Variants in GADL1 observed in about 807,000 individuals in gnomAD.
GADL1 encodes acidic amino acid decarboxylase GADL1.
GADL1 carries 71 observed loss-of-function variants against 69.5 expected under a neutral mutation model. The observed-to-expected ratio is 1.02, with a 90% CI of 0.84 to 1.25. The LOEUF (loss-of-function observed/expected upper bound fraction) is 1.25. GADL1 is among the 50% of genes most tolerant of loss of function. GADL1 has a pLI of 0.00. For synonymous variants in GADL1, 254 were observed against 214.4 expected, an observed-to-expected ratio of 1.18 and a Z score of -1.62; for missense variants, 737 against 631.8, an observed-to-expected ratio of 1.17 and a Z score of -1.79.
chr3:30,809,309 C>T (rs1025139733), intron 11 of GADL1, among the ~76,000 whole-genome samples: 12 of 151,992 alleles, frequency 7.9e-5, no homozygotes, highest in South Asian at 2.1e-4. Context: ...TAAAATCATC[C>T]GGTTTGCATA....
chr3:30,829,770 G>C (rs562690350), intron 11 of GADL1, among the ~76,000 whole-genome samples: 8 of 151,960 alleles, frequency 5.3e-5, no homozygotes, highest in African/African-American at 1.9e-4. Flanking sequence ...GCTAGGCACT[G>C]ACAACACAGT....
intron 1 of GADL1, 37 bp downstream of exon 1, chr3:30,894,541 G>A: frequency 2.6e-6 from 4 of 1,533,112 alleles, no homozygotes; most frequent in Non-Finnish European, 1.8e-6. Flanking sequence ...GACAGGGGAG[G>A]TTAAGGACAA....
chr3:30,894,087 C>T (rs1698820331), intron 1 of GADL1, among the ~76,000 whole-genome samples: 1 of 152,198 alleles, frequency 6.6e-6, no homozygotes, highest in African/African-American at 2.4e-5. Flanking sequence ...CTAAGGTCCC[C>T]GTTCTCAATC....
intron 14 of GADL1, among the ~76,000 whole-genome samples, chr3:30,753,773 G>T (rs1047826601): frequency 6.6e-6 from 1 of 152,130 alleles, no homozygotes; most frequent in Non-Finnish European, 1.5e-5. Context: ...ACAAATACAT[G>T]TGTTCCTATG....
At chr3:30,753,433 T>C (rs1450152920) in intron 14 of GADL1, among the ~76,000 whole-genome samples, 4 of 151,572 alleles carry the variant, frequency 2.6e-5, no homozygotes, top group Admixed American at 2.6e-4. Context: ...TTTTCCTTAG[T>C]TTATTTTTTA....
chr3:30,759,905 G>A (rs554590009), intron 14 of GADL1, among the ~76,000 whole-genome samples: 7 of 152,106 alleles, frequency 4.6e-5, no homozygotes, highest in Non-Finnish European at 1.0e-4. Flanking sequence ...GTGGACTTGT[G>A]CTCTATGCCT....
intron 14 of GADL1, among the ~76,000 whole-genome samples, chr3:30,768,481 C>G (rs545886392): frequency 7.0e-6 from 1 of 142,462 alleles, no homozygotes; most frequent in African/African-American, 2.6e-5. Flanking sequence ...AAGCCTTGGA[C>G]ATATTTATCA....
chr3:30,864,421 C>G (rs1465067746), intron 1 of GADL1, among the ~76,000 whole-genome samples: 1 of 151,480 alleles, frequency 6.6e-6, no homozygotes, highest in Non-Finnish European at 1.5e-5. Context: ...ATGTCAACAC[C>G]CACTCGTAAC....
chr3:30,784,845 G>A (rs1356669366), intron 13 of GADL1, among the ~76,000 whole-genome samples: 3 of 152,094 alleles, frequency 2.0e-5, no homozygotes, highest in Non-Finnish European at 4.4e-5. Context: ...ACCACCACCT[G>A]CTCTGGTCTC....
chr3:30,782,452 T>C (rs1254760493), intron 13 of GADL1, among the ~76,000 whole-genome samples: 1 of 152,140 alleles, frequency 6.6e-6, no homozygotes, highest in Admixed American at 6.6e-5. Context: ...TTTTGGTTAG[T>C]GGATCATAGT....
chr3:30,818,643 T>C (rs1697517435), intron 11 of GADL1, among the ~76,000 whole-genome samples: 1 of 152,150 alleles, frequency 6.6e-6, no homozygotes, highest in Admixed American at 6.6e-5. Context: ...TAAAAGCCAT[T>C]AATATAAGTA....
In GADL1 at chr3:30,797,659, GTTTTGTTTTTGTTTTTT is replaced by G. The variant is rs1034806479; in HGVS notation, c.1250+3213_1250+3229del. On this transcript the variant is annotated intron_variant, in intron 12 of 14. Transcript: ENST00000282538. ...AGATTTGTTTTTTGCGTTTTGTTTT[GTTTTGTTTTTGTTTTTT>G]TTTTGTTTTTTAAACTGTAAGAAAT... 6.1e-5 allele frequency: 8 copies of G among 130,954 alleles called. No individual in the cohort carries two copies. The Admixed American group carries it at 6.7e-4, about 11-fold the overall frequency. The allele number at this position is 130,954 out of a possible 1,614,324, so 8.1% of individuals were successfully genotyped here. A position where few individuals can be genotyped will look rare whatever the true frequency, so the allele number is the denominator to read the frequency against.
intron 3 of GADL1, among the ~76,000 whole-genome samples, chr3:30,856,559 A>G (rs541596349): frequency 6.6e-6 from 1 of 152,218 alleles, no homozygotes; most frequent in South Asian, 2.1e-4. Context: ...CCAACTGCCA[A>G]GAGTTAATCA....
At chr3:30,805,206 A>G (rs1332254132) in intron 11 of GADL1, among the ~76,000 whole-genome samples, 1 of 152,218 alleles carries the variant, frequency 6.6e-6, no homozygotes, top group African/African-American at 2.4e-5. Context: ...TCCATTGTAC[A>G]TTTTGCAACA....
chr3:30,857,279 G>A (rs915888405), intron 2 of GADL1, 138 bp from the exon 3 acceptor site: 6 of 691,368 alleles, frequency 8.7e-6, no homozygotes, highest in Non-Finnish European at 1.4e-5. Flanking sequence ...CAGACGAAAA[G>A]AACTATTACA....
At chr3:30,743,286 G>A (rs1343221624) in intron 14 of GADL1, among the ~76,000 whole-genome samples, 1 of 152,236 alleles carries the variant, frequency 6.6e-6, no homozygotes, top group Admixed American at 6.5e-5. Flanking sequence ...AAAGGAAATT[G>A]AAACTTATAT....
chr3:30,862,455 G>C (rs1380951726), intron 1 of GADL1, among the ~76,000 whole-genome samples: 1 of 151,968 alleles, frequency 6.6e-6, no homozygotes, highest in African/African-American at 2.4e-5. Flanking sequence ...GCATTGAGTA[G>C]ACAAATCCTA....
In GADL1 at chr3:30,727,011, C is replaced by A. The variant is rs2125466384; in HGVS notation, c.*1231G>T. 6.6e-6 allele frequency: 1 copy of A among 152,166 alleles called. No individual in the cohort carries two copies. The highest frequency in any genetic ancestry group is 2.1e-4 in the South Asian group (1 of 4,796). 9.4% of individuals were successfully genotyped at this position (152,166 alleles called of 1,614,324 possible). ...AACCCTGGACTTCATTGTGTTTATTCCCTATGAGGCACAGAGCAAGATAAT... is the reference window on the plus strand; with the variant it reads ...AACCCTGGACTTCATTGTGTTTATTACCTATGAGGCACAGAGCAAGATAAT... On this transcript the variant is annotated 3_prime_UTR_variant, in exon 15 of 15. Coordinates refer to ENST00000282538, the MANE Select transcript of GADL1 (RefSeq NM_207359.3).
intron 1 of GADL1, among the ~76,000 whole-genome samples, chr3:30,888,677 T>C (rs1448337679): frequency 6.6e-6 from 1 of 152,158 alleles, no homozygotes; most frequent in Non-Finnish European, 1.5e-5. Flanking sequence ...AGGAGTATAT[T>C]AGGGCTGCAT....
Sources: gnomAD v4.1 joint callset for allele counts (sites outside exome capture counted in the v4.1 genomes callset) on GRCh38, gnomAD v4.1.1 for gene constraint, MANE v1.5 for transcripts, NCBI Gene and HGNC (gene_info 2026-07-23, HGNC 2026-07-21) for gene names.